ANKRD52: variants seen among roughly 807,000 people sequenced by gnomAD.
ANKRD52 encodes serine/threonine-protein phosphatase 6 regulatory ankyrin repeat subunit C.
ANKRD52 carries 7 observed loss-of-function variants against 116.0 expected under a neutral mutation model. The ratio of observed to expected loss-of-function variants is 0.06; its 90% CI spans 0.03 to 0.11. The LOEUF (loss-of-function observed/expected upper bound fraction) is 0.11, where lower values mean the gene tolerates loss of function less well. ANKRD52 is among the 10% of genes least tolerant of loss of function. The pLI is 1.00. For missense variants in ANKRD52, 839 were observed against 1,408.6 expected (o/e 0.60, Z 6.47); for synonymous variants, 528 against 578.1 (o/e 0.91, Z 1.24).
rs1230484353 is a variant in ANKRD52 at position 56,253,111 on chromosome 12, T to A, written c.1101-25A>T. The A allele has an allele frequency of 1.7e-5, 26 of 1,546,346 alleles. No homozygotes were observed. In the African/African-American group the frequency reaches 1.9e-4, roughly 11 times the overall value. ...CCTAGAGAGAAGTTGAGGGACTCAG[T>A]CCTTGGGTCAAGGAGGGACCAAGTA... On this transcript the variant is annotated intron_variant, in intron 10 of 27. Coordinates refer to ENST00000267116, the MANE Select transcript of ANKRD52 (RefSeq NM_173595.4). The surrounding 1 kb of genome is among the most constrained non-coding windows in gnomAD (Gnocchi z 5.5).
In ANKRD52 at chr12:56,241,894, C is replaced by T. The variant is rs1488307015; in HGVS notation, c.*1248G>A. The T allele has an allele frequency of 2.5e-6, 1 of 398,112 alleles. No homozygotes were observed. Among genetic ancestry groups the T allele is most frequent in the Non-Finnish European group, 4.4e-6 (1 of 226,084 alleles). 24.7% of individuals were successfully genotyped at this position (398,112 alleles called of 1,614,324 possible). On this transcript the variant is annotated 3_prime_UTR_variant, in exon 28 of 28. Transcript: ENST00000267116. The stretch of plus-strand genomic sequence containing the variant: ...TTATCAGTGCAGCCCCCAGCTCAAT[C>T]CCATCTTTCCTCCCTGCTGGGAAGG...
Position 56,245,568 on chromosome 12 carries a change from G to A in ANKRD52, c.2213C>T (p.Ala738Val), listed in dbSNP as rs1020845679. The A allele has an allele frequency of 2.1e-5, 33 of 1,606,506 alleles. No homozygotes were observed. The highest frequency in any genetic ancestry group is 2.5e-5 in the Non-Finnish European group (30 of 1,177,722). The change falls in exon 21 of 28, where the codon GCT (alanine) becomes GTT (valine). Residue 738 changes from alanine to valine, a missense_variant. Ala to Val is a moderately conservative substitution (Grantham distance 64, BLOSUM62 0). Transcript: ENST00000267116. ...GAVTGCEDCL[A>V]ALLDHDAFVL... The stretch of plus-strand genomic sequence containing the variant: ...AAATGCGTCGTGGTCCAGCAGGGCA[G>A]CCAGGCAGTCCTCACAGCCAGTCAC...
Position 56,244,935 on chromosome 12 carries a change from C to G in ANKRD52, c.2547G>C (p.Lys849Asn). Reference sequence around the variant, plus strand: ...CTTTGGCATCTCGGCTGTTCACAATCTTGGCACCCAGAGCTCCCAGTAGCA... The same window carrying G: ...CTTTGGCATCTCGGCTGTTCACAATGTTGGCACCCAGAGCTCCCAGTAGCA... ...TEMLLGALGA[K>N]IVNSRDAKGR... Residue 849 changes from lysine to asparagine, a missense_variant, in exon 23 of 28, where the codon AAG (lysine) becomes AAC (asparagine). By Grantham distance (94) the Lys-to-Asn change is moderately conservative. Around this residue, in one of 2 missense-constraint regions of ANKRD52, gnomAD observed 552 missense variants for 810.6 expected, o/e 0.68. Coordinates refer to ENST00000267116, the MANE Select transcript of ANKRD52 (RefSeq NM_173595.4). The surrounding 1 kb of genome is among the most constrained non-coding windows in gnomAD (Gnocchi z 4.9). 6.2e-7 allele frequency: 1 copy of G among 1,613,972 alleles called. No individual in the cohort carries two copies. Among genetic ancestry groups the G allele is most frequent in the Non-Finnish European group, 8.5e-7 (1 of 1,179,888 alleles).
Position 56,255,662 on chromosome 12 carries a change from T to G in ANKRD52, c.462+122A>C. 3.6e-6 allele frequency: 3 copies of G among 841,526 alleles called. No homozygotes were observed. Among genetic ancestry groups the G allele is most frequent in the South Asian group, 1.9e-5 (1 of 54,006 alleles). 52.1% of individuals were successfully genotyped at this position (841,526 alleles called of 1,614,324 possible). A position where few individuals can be genotyped will look rare whatever the true frequency, so the allele number is the denominator to read the frequency against. ...CATTCATTTAGTGCTTCAGCTTAAG[T>G]GTTTATATAACCATCCGGGCTGCTT... On this transcript the variant is annotated intron_variant, in intron 5 of 27. Coordinates refer to ENST00000267116, the MANE Select transcript of ANKRD52 (RefSeq NM_173595.4). The surrounding 1 kb of genome is among the most constrained non-coding windows in gnomAD (Gnocchi z 4.3).
rs888750729 is a variant in ANKRD52 at position 56,242,943 on chromosome 12, T to G, written c.*199A>C. 26 of 728,140 alleles carry G rather than the reference T, an allele frequency of 3.6e-5. No homozygotes were observed. In the African/African-American group the frequency reaches 4.4e-4, roughly 12 times the overall value. 45.1% of individuals were successfully genotyped at this position (728,140 alleles called of 1,614,324 possible). A position where few individuals can be genotyped will look rare whatever the true frequency, so the allele number is the denominator to read the frequency against. On this transcript the variant is annotated 3_prime_UTR_variant, in exon 28 of 28. Coordinates refer to ENST00000267116, the MANE Select transcript of ANKRD52 (RefSeq NM_173595.4). This position sits in a 1 kb window ranked among gnomAD's most constrained non-coding sequence, Gnocchi z 4.3. ...CCCTGGGGGTACCAAGGGCCTGGGGTGCTCCCTGTCAGTCCCAGACCCCTG... is the reference window on the plus strand; with the variant it reads ...CCCTGGGGGTACCAAGGGCCTGGGGGGCTCCCTGTCAGTCCCAGACCCCTG...
chr12:56,241,607 T>A lies in ANKRD52; in HGVS notation c.*1535A>T, dbSNP rs111887898. ...GGGACAATACTGATGGCAGCCAAAC[T>A]GGGCAAGGATGCAGTGTGGGGGCGG... On this transcript the variant is annotated 3_prime_UTR_variant, in exon 28 of 28. Coordinates refer to ENST00000267116, the MANE Select transcript of ANKRD52 (RefSeq NM_173595.4). 3.8e-5 allele frequency: 7 copies of A among 185,912 alleles called. 1 individual carries two copies. The highest frequency in any genetic ancestry group is 1.6e-4 in the African/African-American group (7 of 42,954). The allele number at this position is 185,912 out of a possible 1,614,324, so 11.5% of individuals were successfully genotyped here. A position where few individuals can be genotyped will look rare whatever the true frequency, so the allele number is the denominator to read the frequency against.
chr12:56,249,555 T>C (rs935369884), intron 15 of ANKRD52, among the ~76,000 whole-genome samples: 1 of 152,178 alleles, frequency 6.6e-6, no homozygotes, highest in South Asian at 2.1e-4. Flanking sequence ...TGGATTTTAG[T>C]GTCCTTTTTA....
In ANKRD52 at chr12:56,244,279, T is replaced by C; in HGVS notation, c.2805+74A>G. On this transcript the variant is annotated intron_variant, in intron 25 of 27. Transcript: ENST00000267116. The surrounding 1 kb of genome is among the most constrained non-coding windows in gnomAD (Gnocchi z 4.9). Reference sequence around the variant, plus strand: ...AATCCTCACTTCTGCCCCAGTCCCCTCTGCAACCGAGACTTACCTCTCTTC... The same window carrying C: ...AATCCTCACTTCTGCCCCAGTCCCCCCTGCAACCGAGACTTACCTCTCTTC... 1 of 1,565,744 alleles carries C rather than the reference T, an allele frequency of 6.4e-7. No homozygotes were observed. Among genetic ancestry groups the C allele is most frequent in the Non-Finnish European group, 8.8e-7 (1 of 1,138,834 alleles).
At position 56,253,887 on chromosome 12, in the gene ANKRD52, C is replaced by G. The variant is rs1592394541; in HGVS notation, c.907-87G>C. The G allele has an allele frequency of 6.8e-7, 1 of 1,471,274 alleles. No homozygotes were observed. The highest frequency in any genetic ancestry group is 2.3e-5 in the East Asian group (1 of 44,058). The allele number at this position is 1,471,274 out of a possible 1,614,324, so 91.1% of individuals were successfully genotyped here. On this transcript the variant is annotated intron_variant, in intron 8 of 27. Transcript: ENST00000267116. The surrounding 1 kb of genome is among the most constrained non-coding windows in gnomAD (Gnocchi z 5.5). The stretch of plus-strand genomic sequence containing the variant: ...CCCTACCTCCCTTCCAAGGACATAT[C>G]TCTAAGGACAAAAGGGTCATATGGC...
In ANKRD52 at chr12:56,244,132, C is replaced by A. The variant is rs1176024346; in HGVS notation, c.2807G>T (p.Gly936Val). The A allele has an allele frequency of 6.2e-7, 1 of 1,613,762 alleles. No individual in the cohort carries two copies. Among genetic ancestry groups the A allele is most frequent in the Non-Finnish European group, 8.5e-7 (1 of 1,179,840 alleles). The change falls in exon 26 of 28, where the codon GGC becomes GTC. Residue 936 changes from glycine to valine, a missense_variant and splice_region_variant. This residue lies in a region of ANKRD52 where 552 missense variants were observed against 810.6 expected (regional missense o/e 0.68). Coordinates refer to ENST00000267116, the MANE Select transcript of ANKRD52 (RefSeq NM_173595.4). The surrounding 1 kb of genome is among the most constrained non-coding windows in gnomAD (Gnocchi z 4.9). ...NTALHLACSK[G>V]HEKCALMILA... ...GATCATGAGGGCACATTTCTCATGG[C>A]CCTGAGGGAGGGGAACAGAGAGTGG...
intron 21 of ANKRD52, 61 bp from the exon 22 acceptor site, chr12:56,245,251 G>A: frequency 1.9e-6 from 3 of 1,603,722 alleles, no homozygotes; most frequent in Middle Eastern, 1.7e-4. Context: ...TGTCTGTCCT[G>A]TGTCTTGACA....
chr12:56,248,138 T>C lies in ANKRD52; in HGVS notation c.1863A>G (p.Ala621=), dbSNP rs763255959. 8.7e-6 allele frequency: 14 copies of C among 1,613,582 alleles called. No homozygotes were observed. The highest frequency in any genetic ancestry group is 1.6e-4 in the Middle Eastern group (1 of 6,084). Residue 621 remains alanine (A), a synonymous_variant, in exon 18 of 28, where the codon GCA becomes GCG. Coordinates refer to ENST00000267116, the MANE Select transcript of ANKRD52 (RefSeq NM_173595.4). This position sits in a 1 kb window ranked among gnomAD's most constrained non-coding sequence, Gnocchi z 5.1. ...AGCCGCGCTCCGTGGCCAGGAAGAG[T>C]GCGGTCCGGCCCTTGTGGTCCCTTA... is the stretch of plus-strand genomic sequence containing the variant. ...LDVRDHKGRT[A]LFLATERGST...
At position 56,253,923 on chromosome 12, in the gene ANKRD52, C is replaced by A; in HGVS notation, c.907-123G>T. The A allele has an allele frequency of 7.5e-7, 1 of 1,326,008 alleles. No individual in the cohort carries two copies. The highest frequency in any genetic ancestry group is 1.1e-6 in the Non-Finnish European group (1 of 946,904). 82.1% of individuals were successfully genotyped at this position (1,326,008 alleles called of 1,614,324 possible). A position where few individuals can be genotyped will look rare whatever the true frequency, so the allele number is the denominator to read the frequency against. ...AAAGGGTCATATGGCACCTTCTTAGCCCACTCTTTCCTGAGTCCCTGGCAA... is the reference window on the plus strand; with the variant it reads ...AAAGGGTCATATGGCACCTTCTTAGACCACTCTTTCCTGAGTCCCTGGCAA... On this transcript the variant is annotated intron_variant, in intron 8 of 27. Coordinates refer to ENST00000267116, the MANE Select transcript of ANKRD52 (RefSeq NM_173595.4). The surrounding 1 kb of genome is among the most constrained non-coding windows in gnomAD (Gnocchi z 5.5).
intron 4 of ANKRD52, among the ~76,000 whole-genome samples, chr12:56,256,534 G>C (rs1871962492): frequency 6.6e-6 from 1 of 152,230 alleles, no homozygotes. Context: ...CCAGGGAAGT[G>C]ATGAACTGAG....
chr12:56,243,119 CG>C lies in ANKRD52; in HGVS notation c.*22del. 1 of 1,564,168 alleles carries C rather than the reference CG, an allele frequency of 6.4e-7. No homozygotes were observed. The highest frequency in any genetic ancestry group is 8.7e-7 in the Non-Finnish European group (1 of 1,154,364). On this transcript the variant is annotated 3_prime_UTR_variant, in exon 28 of 28. Coordinates refer to ENST00000267116, the MANE Select transcript of ANKRD52 (RefSeq NM_173595.4). This position sits in a 1 kb window ranked among gnomAD's most constrained non-coding sequence, Gnocchi z 4.6. ...ATAGAATTAGATATCAAGCCACCGG[CG>C]GGGGAGGGACACTGGAGGGGGCTAC...
At chr12:56,246,305 C>T (rs1357210725) in intron 20 of ANKRD52, among the ~76,000 whole-genome samples, 1 of 152,126 alleles carries the variant, frequency 6.6e-6, no homozygotes, top group African/African-American at 2.4e-5. Context: ...GCTGGGATTA[C>T]AGACGTGAGC....
In ANKRD52 at chr12:56,248,638, G is replaced by A; in HGVS notation, c.1705-72C>T. 2.0e-6 allele frequency: 3 copies of A among 1,501,374 alleles called. No individual in the cohort carries two copies. Among genetic ancestry groups the A allele is most frequent in the South Asian group, 2.4e-5 (2 of 83,364 alleles). The allele number at this position is 1,501,374 out of a possible 1,614,324, so 93.0% of individuals were successfully genotyped here. ...ATAGTACCCCAGTCCCCGACTCGCAGTAATCCCCACTAAGCCTCTGGATCC... is the reference window on the plus strand; with the variant it reads ...ATAGTACCCCAGTCCCCGACTCGCAATAATCCCCACTAAGCCTCTGGATCC... On this transcript the variant is annotated intron_variant, in intron 16 of 27. Coordinates refer to ENST00000267116, the MANE Select transcript of ANKRD52 (RefSeq NM_173595.4). The surrounding 1 kb of genome is among the most constrained non-coding windows in gnomAD (Gnocchi z 5.1).
In ANKRD52 at chr12:56,254,768, G is replaced by A; in HGVS notation, c.551-48C>T. 3.8e-6 allele frequency: 6 copies of A among 1,598,374 alleles called. No individual in the cohort carries two copies. Among genetic ancestry groups the A allele is most frequent in the Non-Finnish European group, 5.1e-6 (6 of 1,167,298 alleles). On this transcript the variant is annotated intron_variant, in intron 6 of 27. Transcript: ENST00000267116. This position sits in a 1 kb window ranked among gnomAD's most constrained non-coding sequence, Gnocchi z 4.6. ...AAAGGAAGTAGAAGGTAAACTCTAAGACCCTACACTCCTCTCTTCAAAGGC... is the reference window on the plus strand; with the variant it reads ...AAAGGAAGTAGAAGGTAAACTCTAAAACCCTACACTCCTCTCTTCAAAGGC...
At chr12:56,258,123 C>T (rs557860404) in intron 1 of ANKRD52, 120 bp downstream of exon 1, 6 of 1,489,604 alleles carry the variant, frequency 4.0e-6, no homozygotes, top group African/African-American at 2.8e-5. Context: ...CGGCATGGGG[C>T]GGGGCGGGAG....
Sources: gnomAD v4.1 joint callset for allele counts (sites outside exome capture counted in the v4.1 genomes callset) on GRCh38, gnomAD v4.1.1 for gene constraint, gnomAD v4.1.1 regional missense constraint, Gnocchi (gnomAD v3.1) non-coding constraint, MANE v1.5 for transcripts, NCBI Gene and HGNC (gene_info 2026-07-23, HGNC 2026-07-21) for gene names.